Variants in DNER observed in about 807,000 individuals in gnomAD.
The protein encoded by DNER is delta/notch like EGF repeat containing, also known as delta and Notch-like epidermal growth factor-related receptor.
DNER carries 33 observed loss-of-function variants against 78.2 expected under a neutral mutation model. The ratio of observed to expected loss-of-function variants is 0.42; its 90% confidence interval spans 0.32 to 0.56. The LOEUF (loss-of-function observed/expected upper bound fraction) is 0.56, where lower values mean the gene tolerates loss of function less well. DNER is among the 20% of genes least tolerant of loss of function. DNER has a pLI of 0.11. For missense variants in DNER, 918 were observed against 975.3 expected (o/e 0.94, Z 0.78); for synonymous variants, 417 against 384.8 (o/e 1.08, Z -0.98).
intron 8 of DNER, among the ~76,000 whole-genome samples, chr2:229,423,030 T>G (rs945366653): frequency 2.6e-5 from 4 of 152,062 alleles, no homozygotes; most frequent in Admixed American, 2.6e-4. Context: ...CTCAAAACCA[T>G]GGTTCTTAAT....
chr2:229,529,970 C>T (rs535524020), intron 5 of DNER, among the ~76,000 whole-genome samples: 1 of 151,764 alleles, frequency 6.6e-6, no homozygotes, highest in African/African-American at 2.4e-5. Flanking sequence ...TCACTACATG[C>T]CAGCATGGGT....
rs780401095 is a variant in DNER at position 229,366,978 on chromosome 2, C to T, written c.1997G>A (p.Arg666His). ...CCTGGAAGAACCCTGGTATTCAATG[C>T]GGCTGATGCGGCAAATCCCCACGAT... Reference protein sequence around the residue: ...ILIVGICRISRIEYQGSSRPA... With the variant: ...ILIVGICRISHIEYQGSSRPA... The change falls in exon 12 of 13, where the codon CGC (arginine) becomes CAC (histidine). Residue 666 changes from arginine (R) to histidine (H), a missense_variant. Physicochemically the swap from Arg to His is conservative, Grantham distance 29. Coordinates refer to ENST00000341772, the MANE Select transcript of DNER (RefSeq NM_139072.4). 7.8e-5 allele frequency: 126 copies of T among 1,613,958 alleles called. 1 individual carries two copies. The highest frequency in any genetic ancestry group is 5.8e-5 in the Non-Finnish European group (68 of 1,180,014).
chr2:229,638,189 T>C (rs1191333312), intron 1 of DNER, among the ~76,000 whole-genome samples: 2 of 152,214 alleles, frequency 1.3e-5, no homozygotes, highest in African/African-American at 4.8e-5. Context: ...GGCTTTTTTA[T>C]AGAGATTGAA....
intron 1 of DNER, among the ~76,000 whole-genome samples, chr2:229,634,064 C>T (rs1698485412): frequency 6.6e-6 from 1 of 152,162 alleles, no homozygotes; most frequent in African/African-American, 2.4e-5. Flanking sequence ...GTGACTTTGT[C>T]CTCTCCTAAG....
intron 7 of DNER, among the ~76,000 whole-genome samples, chr2:229,457,544 C>A (rs1042482787): frequency 6.6e-6 from 1 of 151,864 alleles, no homozygotes; most frequent in African/African-American, 2.4e-5. Context: ...CCAAAAAACC[C>A]AGCAGTATAG....
At chr2:229,448,590 G>T (rs2106362742) in intron 7 of DNER, among the ~76,000 whole-genome samples, 1 of 152,166 alleles carries the variant, frequency 6.6e-6, no homozygotes, top group Admixed American at 6.5e-5. Flanking sequence ...TTTTAAATAT[G>T]GTTACTGTGT....
intron 4 of DNER, among the ~76,000 whole-genome samples, chr2:229,561,271 C>T (rs954342279): frequency 5.9e-5 from 9 of 152,202 alleles, no homozygotes; most frequent in Non-Finnish European, 1.0e-4. Flanking sequence ...TAGATTATAC[C>T]TAGCCAAATG....
At chr2:229,397,580 C>G (rs1693176943) in intron 10 of DNER, among the ~76,000 whole-genome samples, 1 of 151,238 alleles carries the variant, frequency 6.6e-6, no homozygotes. Flanking sequence ...AATGCACAAT[C>G]TTTTCAAGTA....
intron 1 of DNER, chr2:229,702,052 A>T (rs1699755955): frequency 5.4e-6 from 1 of 186,424 alleles, no homozygotes; most frequent in Non-Finnish European, 1.2e-5. Context: ...TTCAGGAAAA[A>T]TTTGAAAGGA....
chr2:229,367,157 G>T (rs1396038839), intron 11 of DNER, 38 bp from the exon 12 acceptor site: 5 of 1,611,602 alleles, frequency 3.1e-6, no homozygotes, highest in Middle Eastern at 1.7e-4. Context: ...GGTATGAGTT[G>T]TCACCTTTGA....
intron 1 of DNER, among the ~76,000 whole-genome samples, chr2:229,626,234 A>G (rs1698342117): frequency 6.6e-6 from 1 of 152,166 alleles, no homozygotes; most frequent in South Asian, 2.1e-4. Flanking sequence ...TGCAACTTCA[A>G]TGACATAGGT....
At chr2:229,611,875 G>A (rs553743273) in intron 1 of DNER, among the ~76,000 whole-genome samples, 16 of 152,232 alleles carry the variant, frequency 1.1e-4, no homozygotes, top group South Asian at 4.2e-4. Context: ...ATGTTACACC[G>A]TCTCCATAAC....
intron 1 of DNER, among the ~76,000 whole-genome samples, chr2:229,650,361 C>T (rs2154216255): frequency 6.6e-6 from 1 of 152,260 alleles, no homozygotes; most frequent in South Asian, 2.1e-4. Flanking sequence ...AAAACGTATC[C>T]TGTACTGTAC....
chr2:229,591,526 A>C lies in DNER; in HGVS notation c.585+54T>G. On this transcript the variant is annotated intron_variant, in intron 2 of 12. Coordinates refer to ENST00000341772, the MANE Select transcript of DNER (RefSeq NM_139072.4). This position sits in a 1 kb window ranked among gnomAD's most constrained non-coding sequence, Gnocchi z 4.6. ...TGCTGATACTAGAACCGCTGGAGTC[A>C]CTTTAAGATTTCTGGTTTCTAATGT... is the stretch of plus-strand genomic sequence containing the variant. 6.5e-7 allele frequency: 1 copy of C among 1,543,868 alleles called. No homozygotes were observed. Among genetic ancestry groups the C allele is most frequent in the South Asian group, 1.3e-5 (1 of 78,296 alleles).
intron 1 of DNER, among the ~76,000 whole-genome samples, chr2:229,637,436 G>A (rs1698548187): frequency 6.6e-6 from 1 of 152,170 alleles, no homozygotes; most frequent in Non-Finnish European, 1.5e-5. Context: ...CTGTTGTTAA[G>A]AGCAAACATT....
intron 7 of DNER, among the ~76,000 whole-genome samples, chr2:229,462,202 CA>C (rs1694717449): frequency 6.6e-6 from 1 of 151,866 alleles, no homozygotes; most frequent in Non-Finnish European, 1.5e-5. Context: ...TATTTAAGAC[CA>C]AAAGAAAACA....
intron 7 of DNER, among the ~76,000 whole-genome samples, chr2:229,462,458 G>T (rs1237340637): frequency 2.6e-5 from 4 of 152,048 alleles, no homozygotes; most frequent in African/African-American, 4.8e-5. Context: ...AGTCATACCT[G>T]ATTGTTTTTC....
rs1162899815 is a variant in DNER, at chr2:229,515,639, A to ATTTTTTTTTTTTTTTTTT, written c.994-2704_994-2703insAAAAAAAAAAAAAAAAAA. On this transcript the variant is annotated intron_variant, in intron 5 of 12. Transcript: ENST00000341772. ...AATCAAATATCTTCAAGTTAGCTTT[A>ATTTTTTTTTTTTTTTTTT]TTTTTTTATTTTTTTTTTTTTGAGA... is the stretch of plus-strand genomic sequence containing the variant. 4.2e-5 allele frequency among the ~76,000 whole-genome samples: 3 copies of ATTTTTTTTTTTTTTTTTT among 71,538 alleles called. 1 individual carries two copies. The highest frequency in any genetic ancestry group is 1.0e-4 in the Non-Finnish European group (3 of 28,662). 46.9% of individuals were successfully genotyped at this position (71,538 alleles called of 152,430 possible). A position where few individuals can be genotyped will look rare whatever the true frequency, so the allele number is the denominator to read the frequency against.
chr2:229,499,874 A>T (rs13424950), intron 6 of DNER, among the ~76,000 whole-genome samples: 4,636 of 152,234 alleles, frequency 0.03, 109 homozygotes, highest in Middle Eastern at 0.058. Context: ...ACTCAATAGC[A>T]AGAAAACAAA....
Sources: allele counts gnomAD v4.1 joint callset (sites outside exome capture counted in the v4.1 genomes callset), GRCh38; gene constraint gnomAD v4.1.1; non-coding constraint Gnocchi (gnomAD v3.1); transcripts MANE v1.5; gene names NCBI Gene and HGNC (gene_info 2026-07-23, HGNC 2026-07-21).